PARN: variants seen among roughly 807,000 people sequenced by gnomAD.
The protein encoded by PARN is poly(A)-specific ribonuclease PARN.
Under a neutral mutation model 102.8 loss-of-function variants are expected in PARN, and 71 were observed. The ratio of observed to expected loss-of-function variants is 0.69; its 90% CI spans 0.57 to 0.84. The LOEUF is 0.84. PARN is among the 40% of genes least tolerant of loss of function. PARN has a pLI of 0.00. For missense variants in PARN, 782 were observed against 760.9 expected, an observed-to-expected ratio of 1.03 and a Z score of -0.33; for synonymous variants, 261 against 252.9, an observed-to-expected ratio of 1.03 and a Z score of -0.30.
At chr16:14,471,634 G>A (rs115311185) in intron 22 of PARN, among the ~76,000 whole-genome samples, 1 of 152,068 alleles carries the variant, frequency 6.6e-6, no homozygotes, top group Non-Finnish European at 1.5e-5. Context: ...CTGTAGTACT[G>A]AATCACATTA....
In PARN at chr16:14,609,138, T is replaced by C. The variant is rs1195093533; in HGVS notation, c.555-15A>G. The stretch of plus-strand genomic sequence containing the variant: ...CTATTTTCTCTCTGAGGAATAAGAA[T>C]AGACCATAACCATCAGTACCTTTAA... On this transcript the variant is annotated splice_polypyrimidine_tract_variant and intron_variant, in intron 7 of 23. Coordinates refer to ENST00000437198, the MANE Select transcript of PARN (RefSeq NM_002582.4). 2.3e-6 allele frequency: 3 copies of C among 1,323,348 alleles called. No homozygotes were observed. Among genetic ancestry groups the C allele is most frequent in the East Asian group, 2.4e-5 (1 of 42,068 alleles). 82.0% of individuals were successfully genotyped at this position (1,323,348 alleles called of 1,614,324 possible).
intron 18 of PARN, among the ~76,000 whole-genome samples, chr16:14,567,463 T>TTA (rs1968501114): frequency 6.6e-6 from 1 of 152,242 alleles, no homozygotes; most frequent in Admixed American, 6.5e-5. Flanking sequence ...TGCAGCCAGT[T>TTA]TATGATAAGC....
intron 16 of PARN, among the ~76,000 whole-genome samples, chr16:14,583,734 C>T (rs1567413574): frequency 6.6e-6 from 1 of 152,164 alleles, no homozygotes; most frequent in Non-Finnish European, 1.5e-5. Context: ...TAATGGCTCG[C>T]TAATCACCGT....
At chr16:14,465,870 G>A (rs1347182953) in intron 22 of PARN, among the ~76,000 whole-genome samples, 1 of 152,138 alleles carries the variant, frequency 6.6e-6, no homozygotes, top group African/African-American at 2.4e-5. Context: ...TGGAGCTAAA[G>A]GCCATTATCC....
At chr16:14,507,626 T>C (rs897610913) in intron 21 of PARN, among the ~76,000 whole-genome samples, 1 of 151,596 alleles carries the variant, frequency 6.6e-6, no homozygotes, top group Admixed American at 6.6e-5. Flanking sequence ...GAGGCAGAGA[T>C]TGCAGTGAGC....
intron 21 of PARN, among the ~76,000 whole-genome samples, chr16:14,527,698 A>G (rs188535673): frequency 2.6e-5 from 4 of 152,364 alleles, no homozygotes; most frequent in Admixed American, 2.6e-4. Flanking sequence ...TCATGTGTGA[A>G]CAAAGCTCAT....
intron 21 of PARN, among the ~76,000 whole-genome samples, chr16:14,485,888 G>A (rs929072288): frequency 2.0e-5 from 3 of 152,058 alleles, no homozygotes; most frequent in Non-Finnish European, 4.4e-5. Flanking sequence ...GGGTTTCACC[G>A]TGTTGGCCAG....
intron 5 of PARN, among the ~76,000 whole-genome samples, chr16:14,619,745 G>A (rs868347650): frequency 1.3e-4 from 19 of 151,788 alleles, no homozygotes; most frequent in Middle Eastern, 6.8e-3. Context: ...CTCCAGCGTG[G>A]GTGACAGAAC....
At chr16:14,491,944 A>G (rs1309944869) in intron 21 of PARN, among the ~76,000 whole-genome samples, 2 of 152,228 alleles carry the variant, frequency 1.3e-5, no homozygotes, top group Admixed American at 6.5e-5. Context: ...GTATGTGAAA[A>G]AAGTGCCTGG....
chr16:14,544,243 T>G (rs986379911), intron 21 of PARN, among the ~76,000 whole-genome samples: 1 of 152,126 alleles, frequency 6.6e-6, no homozygotes, highest in African/African-American at 2.4e-5. Context: ...GAGACTCACT[T>G]TGTGTATACA....
intron 1 of PARN, 93 bp downstream of exon 1, chr16:14,630,014 A>C (rs1259416633): frequency 5.1e-6 from 6 of 1,181,096 alleles, no homozygotes; most frequent in African/African-American, 1.5e-5. Context: ...CCTCAGCCCC[A>C]GGCCCAGCCA....
At chr16:14,444,278 A>T (rs184191491) in intron 23 of PARN, among the ~76,000 whole-genome samples, 74 of 151,548 alleles carry the variant, frequency 4.9e-4, no homozygotes, top group African/African-American at 1.7e-3. Flanking sequence ...TCTCTGATTC[A>T]ATTAAAAGTT....
intron 21 of PARN, among the ~76,000 whole-genome samples, chr16:14,494,478 G>C (rs1964209236): frequency 6.6e-6 from 1 of 152,196 alleles, no homozygotes; most frequent in Non-Finnish European, 1.5e-5. Context: ...CTTGAGACTT[G>C]AGGGTTGGGA....
intron 2 of PARN, among the ~76,000 whole-genome samples, chr16:14,628,686 A>C (rs1413216804): frequency 6.6e-6 from 1 of 152,190 alleles, no homozygotes; most frequent in Admixed American, 6.6e-5. Context: ...AGAGAAAATT[A>C]TTTCTCTAAG....
At chr16:14,533,288 C>A (rs1966453418) in intron 21 of PARN, among the ~76,000 whole-genome samples, 1 of 152,142 alleles carries the variant, frequency 6.6e-6, no homozygotes, top group Non-Finnish European at 1.5e-5. Context: ...CGCCTGCAAT[C>A]GCAAGTACTC....
At chr16:14,459,786 T>A (rs1401165604) in intron 22 of PARN, among the ~76,000 whole-genome samples, 1 of 152,208 alleles carries the variant, frequency 6.6e-6, no homozygotes, top group East Asian at 1.9e-4. Flanking sequence ...AGTATGGTAT[T>A]GGTGAAAGAA....
At chr16:14,522,792 T>C (rs1167308779) in intron 21 of PARN, among the ~76,000 whole-genome samples, 2 of 151,944 alleles carry the variant, frequency 1.3e-5, no homozygotes, top group Non-Finnish European at 2.9e-5. Context: ...CAACCAAAGC[T>C]CCCTGTCCAT....
intron 15 of PARN, 32 bp from the exon 16 acceptor site, chr16:14,584,454 T>TGAAATC: frequency 1.3e-6 from 2 of 1,544,408 alleles, no homozygotes; most frequent in Non-Finnish European, 1.8e-6. Flanking sequence ...ATTATGAGAT[T>TGAAATC]TCATCATCTC....
In PARN at chr16:14,482,878, C is replaced by G. The variant is rs1236893622; in HGVS notation, c.1481-51G>C. The G allele has an allele frequency of 7.6e-6, 11 of 1,456,916 alleles. No homozygotes were observed. The East Asian group carries it at 2.4e-4, about 32-fold the overall frequency. The allele number at this position is 1,456,916 out of a possible 1,614,324, so 90.2% of individuals were successfully genotyped here. ...AATGCTTACAAAAGTCTGGCCTAGC[C>G]CCAAAGATGACACTTTTGAAATGTG... On this transcript the variant is annotated intron_variant, in intron 21 of 23. Transcript: ENST00000437198.
Sources: gnomAD v4.1 joint callset for allele counts (sites outside exome capture counted in the v4.1 genomes callset) on GRCh38, gnomAD v4.1.1 for gene constraint, MANE v1.5 for transcripts, NCBI Gene and HGNC (gene_info 2026-07-23, HGNC 2026-07-21) for gene names.